The following PRDM1 variants were observed in gnomAD, a reference collection of about 807,000 sequenced individuals.
PRDM1 encodes PR/SET domain 1.
In PRDM1, 13 loss-of-function variants were observed where a neutral mutation model predicts 62.8. The ratio of observed to expected loss-of-function variants is 0.21; its 90% CI spans 0.13 to 0.33. The LOEUF is 0.33. PRDM1 is among the 10% of genes least tolerant of loss of function. PRDM1 has a pLI of 1.00. For missense variants in PRDM1, 895 were observed against 1,058.8 expected, an observed-to-expected ratio of 0.85 and a Z score of 2.15; for synonymous variants, 396 against 417.6, an observed-to-expected ratio of 0.95 and a Z score of 0.63.
At chr6:106,099,228 G>A (rs1582471412) in intron 3 of PRDM1, 72 bp from the exon 4 acceptor site, 2 of 1,607,556 alleles carry the variant, frequency 1.2e-6, no homozygotes, top group South Asian at 2.2e-5. Context: ...TACCGGCTGT[G>A]TTTATTCTGA....
At chr6:106,082,591 C>G (rs568104984), upstream of PRDM1, among the ~76,000 whole-genome samples, 2 of 152,158 alleles carry the variant, frequency 1.3e-5, no homozygotes, top group African/African-American at 2.4e-5. Flanking sequence ...TACTCTGAGA[C>G]CTTGGACATC....
chr6:106,098,894 C>G, intron 3 of PRDM1: 1 of 1,510,582 alleles, frequency 6.6e-7, no homozygotes, highest in Non-Finnish European at 8.9e-7. Flanking sequence ...TGGTCTTCTA[C>G]CCAGTGACTC....
chr6:106,057,389 C>T (rs1773282775), intron 1 of PRDM1, among the ~76,000 whole-genome samples: 2 of 152,176 alleles, frequency 1.3e-5, no homozygotes, highest in African/African-American at 2.4e-5. Flanking sequence ...TTTGCTTCAT[C>T]CACCTGCCAG....
intron 3 of PRDM1, chr6:106,098,943 T>C (rs913865596): frequency 1.3e-6 from 2 of 1,528,428 alleles, no homozygotes; most frequent in African/African-American, 2.8e-5. Context: ...CTGAAGTCAG[T>C]AGCATCGCCC....
intron 1 of PRDM1, among the ~76,000 whole-genome samples, chr6:106,080,502 A>G (rs1366961240): frequency 6.6e-6 from 1 of 152,210 alleles, no homozygotes; most frequent in East Asian, 1.9e-4. Flanking sequence ...AGATGGGAAG[A>G]AAAGAATGCT....
Position 106,107,279 on chromosome 6 carries a change from G to C in PRDM1, c.2271G>C (p.Lys757Asn). ...TCAGTGTGATCTCTGTAGTGGAGAA[G>C]GAAATTCTGGCCGTGGTCAGAAAAG... The part of the protein sequence containing the change: ...DDISVISVVE[K>N]EILAVVRKEK... Residue 757 changes from lysine (K) to asparagine (N), a missense_variant, in exon 7 of 7, where the codon AAG (lysine) becomes AAC (asparagine). By Grantham distance (94) the Lys-to-Asn change is moderately conservative (BLOSUM62 0). This residue lies in a region of PRDM1 where 164 missense variants were observed against 179.9 expected (regional missense o/e 0.91). Transcript: ENST00000369096. The C allele has an allele frequency of 2.5e-6, 4 of 1,614,178 alleles. No individual in the cohort carries two copies. Among genetic ancestry groups the C allele is most frequent in the Non-Finnish European group, 3.4e-6 (4 of 1,180,028 alleles).
chr6:106,102,817 A>G (rs1229550397), intron 4 of PRDM1, among the ~76,000 whole-genome samples: 1 of 152,162 alleles, frequency 6.6e-6, no homozygotes, highest in Non-Finnish European at 1.5e-5. Flanking sequence ...AGTTTTTTGT[A>G]TTTCCATTTT....
chr6:106,092,355 C>T (rs1189269863), intron 2 of PRDM1, among the ~76,000 whole-genome samples: 2 of 152,054 alleles, frequency 1.3e-5, no homozygotes, highest in Non-Finnish European at 2.9e-5. Context: ...GGGTCTGCAC[C>T]GCACATAAAG....
intron 1 of PRDM1, among the ~76,000 whole-genome samples, chr6:106,068,623 C>T (rs1052590885): frequency 5.9e-5 from 9 of 152,148 alleles, no homozygotes; most frequent in Non-Finnish European, 1.0e-4. Context: ...TACATGGGAA[C>T]GTTGTTACCA....
intron 1 of PRDM1, among the ~76,000 whole-genome samples, chr6:106,010,960 C>T (rs1453869942): frequency 6.6e-6 from 1 of 152,134 alleles, no homozygotes; most frequent in Non-Finnish European, 1.5e-5. Context: ...CTCAGTAATG[C>T]ACATCTGGGG....
At position 106,106,373 on chromosome 6, in the gene PRDM1, C is replaced by T. The variant is rs1774490331; in HGVS notation, c.1776C>T (p.Val592=). The T allele has an allele frequency of 1.2e-6, 2 of 1,614,132 alleles. No homozygotes were observed. The highest frequency in any genetic ancestry group is 1.7e-6 in the Non-Finnish European group (2 of 1,180,016). ...KTFGQLSNLK[V]HLRVHSGERP... ...TAACACATGTGGCTTCTTCCCAGGT[C>T]CACCTGAGAGTGCACAGTGGAGAAC... Residue 592 remains valine, a splice_region_variant and synonymous_variant, in exon 6 of 7, where the codon GTC becomes GTT. Transcript: ENST00000369096. The surrounding 1 kb of genome is among the most constrained non-coding windows in gnomAD (Gnocchi z 4.4).
chr6:106,038,014 C>CTTTTTTCTTTTTTTTTTTTTTTTTTTTTT (rs1772945051), intron 1 of PRDM1, among the ~76,000 whole-genome samples: 1 of 47,800 alleles, frequency 2.1e-5, no homozygotes, highest in Admixed American at 3.5e-4. Context: ...CTATTTTTGT[C>CTTTTTTCTTTTTTTTTTTTTTTTTTTTTT]TTTTTTTTTT....
rs1337585210 is a variant in PRDM1, at chr6:106,106,545, G to T, written c.1902+46G>T. The T allele has an allele frequency of 6.2e-7, 1 of 1,609,878 alleles. No individual in the cohort carries two copies. Among genetic ancestry groups the T allele is most frequent in the East Asian group, 2.2e-5 (1 of 44,866 alleles). On this transcript the variant is annotated intron_variant, in intron 6 of 6. Coordinates refer to ENST00000369096, the MANE Select transcript of PRDM1 (RefSeq NM_001198.4). This position sits in a 1 kb window ranked among gnomAD's most constrained non-coding sequence, Gnocchi z 4.4. ...AGACCTTCTGACCTTTGTAGAAAAT[G>T]TCTGTGAGTCACCCTCCCATGTCCT...
At chr6:106,096,971 G>A (rs551951398) in intron 3 of PRDM1, among the ~76,000 whole-genome samples, 8 of 152,212 alleles carry the variant, frequency 5.3e-5, no homozygotes, top group East Asian at 1.9e-4. Flanking sequence ...TGCCTAGAAC[G>A]ATTATATCGT....
chr6:106,084,687 G>A (rs1773757001), upstream of PRDM1, among the ~76,000 whole-genome samples: 1 of 152,206 alleles, frequency 6.6e-6, no homozygotes, highest in Admixed American at 6.5e-5. Context: ...CTCAGCATCA[G>A]TTAATAAACC....
rs1340649219 is a variant in PRDM1, at chr6:106,088,427, A to T, written c.269A>T (p.Lys90Met). 1 of 1,614,226 alleles carries T rather than the reference A, an allele frequency of 6.2e-7. No individual in the cohort carries two copies. Among genetic ancestry groups the T allele is most frequent in the African/African-American group, 1.3e-5 (1 of 75,046 alleles). The change falls in exon 2 of 7, where the codon AAG becomes ATG. Residue 90 changes from lysine to methionine, a missense_variant. Lys to Met is a moderately conservative substitution (Grantham distance 95). Transcript: ENST00000369096. ...TCCTTACCAAGGAATCTGCTTTTCAAGTATGCCACCAACAGTGAAGAGGTA... is the reference window on the plus strand; with the variant it reads ...TCCTTACCAAGGAATCTGCTTTTCATGTATGCCACCAACAGTGAAGAGGTA... The part of the protein sequence containing the change: ...EASLPRNLLF[K>M]YATNSEEVIG...
At chr6:106,022,215 T>G (rs1412874011) in intron 1 of PRDM1, among the ~76,000 whole-genome samples, 14 of 152,222 alleles carry the variant, frequency 9.2e-5, no homozygotes. Flanking sequence ...CATTTACCCT[T>G]AAGCACTAAG....
At chr6:106,030,723 C>G (rs1486147192) in intron 1 of PRDM1, among the ~76,000 whole-genome samples, 1 of 151,996 alleles carries the variant, frequency 6.6e-6, no homozygotes, top group Non-Finnish European at 1.5e-5. Flanking sequence ...TGATAAGGGT[C>G]AATTTTTATT....
At chr6:106,003,833 TCG>T (rs1230884796) in intron 1 of PRDM1, among the ~76,000 whole-genome samples, 6 of 152,194 alleles carry the variant, frequency 3.9e-5, no homozygotes, top group African/African-American at 1.4e-4. Flanking sequence ...ATGAGTGTAC[TCG>T]GTTCTCAAGG....
Sources: allele counts gnomAD v4.1 joint callset (sites outside exome capture counted in the v4.1 genomes callset), GRCh38; gene constraint gnomAD v4.1.1; regional missense constraint gnomAD v4.1.1; non-coding constraint Gnocchi (gnomAD v3.1); transcripts MANE v1.5; gene names NCBI Gene and HGNC (gene_info 2026-07-23, HGNC 2026-07-21).